CDC14B: variants seen among roughly 807,000 people sequenced by gnomAD.
The protein encoded by CDC14B is dual specificity protein phosphatase CDC14B.
CDC14B carries 22 observed loss-of-function variants against 64.2 expected under a neutral mutation model. The observed-to-expected ratio is 0.34, with a 90% CI of 0.24 to 0.49. The LOEUF (loss-of-function observed/expected upper bound fraction) is 0.49, where lower values mean the gene tolerates loss of function less well. Ranked by LOEUF, CDC14B falls within the 20% of genes least tolerant of loss-of-function variation. The pLI is 0.99. For missense variants in CDC14B, 498 were observed against 629.9 expected (o/e 0.79, Z 2.24); for synonymous variants, 191 against 215.8 (o/e 0.89, Z 1.01).
intron 8 of CDC14B, 87 bp from the exon 9 acceptor site, chr9:96,534,244 T>A: frequency 1.2e-6 from 1 of 850,336 alleles, no homozygotes; most frequent in Non-Finnish European, 1.8e-6. Flanking sequence ...GGAAACAGTA[T>A]CTGGACTGGG....
chr9:96,551,665 A>G, intron 5 of CDC14B, 131 bp downstream of exon 5: 1 of 1,286,808 alleles, frequency 7.8e-7, no homozygotes. Context: ...GGAAAAACCC[A>G]GATCTGTGGT....
intron 9 of CDC14B, among the ~76,000 whole-genome samples, chr9:96,531,180 T>G (rs1838423348): frequency 6.6e-6 from 1 of 152,228 alleles, no homozygotes. Flanking sequence ...AAGTGTTCCT[T>G]TTTCCTCAAA....
At chr9:96,587,572 G>C (rs1016233662) in intron 1 of CDC14B, among the ~76,000 whole-genome samples, 4 of 152,202 alleles carry the variant, frequency 2.6e-5, no homozygotes, top group Non-Finnish European at 5.9e-5. Flanking sequence ...GCTAATGCCT[G>C]TTTCATAAAC....
At chr9:96,523,480 T>G in intron 10 of CDC14B, 60 bp from the exon 11 acceptor site, 1 of 1,602,564 alleles carries the variant, frequency 6.2e-7, no homozygotes, top group African/African-American at 1.3e-5. Flanking sequence ...AACAACTTCT[T>G]CCTACCAGAT....
chr9:96,496,631 G>T (rs1346447602), downstream of CDC14B, among the ~76,000 whole-genome samples: 2 of 152,274 alleles, frequency 1.3e-5, no homozygotes, highest in Non-Finnish European at 2.9e-5. Flanking sequence ...CCCTCCGGCT[G>T]GGTCCCGGCT....
intron 4 of CDC14B, among the ~76,000 whole-genome samples, chr9:96,552,832 A>C (rs2132076384): frequency 6.6e-6 from 1 of 152,276 alleles, no homozygotes; most frequent in Middle Eastern, 3.4e-3. Context: ...TGGGAAGGAG[A>C]AACAGCATTA....
chr9:96,524,419 C>T (rs1837258516), intron 9 of CDC14B, among the ~76,000 whole-genome samples: 1 of 152,178 alleles, frequency 6.6e-6, no homozygotes, highest in Admixed American at 6.5e-5. Context: ...ACCATCTTTG[C>T]AAAACCAAAG....
At chr9:96,612,039 T>C (rs951438302) in intron 1 of CDC14B, among the ~76,000 whole-genome samples, 1 of 152,180 alleles carries the variant, frequency 6.6e-6, no homozygotes, top group Non-Finnish European at 1.5e-5. Flanking sequence ...TACATAACAA[T>C]AGCCTCAAGA....
At chr9:96,590,885 G>A (rs1412320220) in intron 1 of CDC14B, among the ~76,000 whole-genome samples, 2 of 152,024 alleles carry the variant, frequency 1.3e-5, no homozygotes, top group Non-Finnish European at 2.9e-5. Context: ...GTTTTCATAC[G>A]CTCATTGGTC....
At chr9:96,542,689 C>T (rs1180272371) in intron 5 of CDC14B, among the ~76,000 whole-genome samples, 1 of 150,868 alleles carries the variant, frequency 6.6e-6, no homozygotes. Flanking sequence ...GAGATGGAGT[C>T]TCATTATGAT....
chr9:96,606,332 C>CAA (rs772460843), intron 1 of CDC14B, among the ~76,000 whole-genome samples: 465 of 20,976 alleles, frequency 0.022, 72 homozygotes, highest in African/African-American at 0.047. Context: ...GACTCCATCT[C>CAA]AAAAAAAAAA....
chr9:96,553,478 C>T (rs1240109055), intron 4 of CDC14B, among the ~76,000 whole-genome samples: 15 of 151,934 alleles, frequency 9.9e-5, no homozygotes, highest in Admixed American at 9.2e-4. Context: ...CCTGCCTCAA[C>T]CTCCCGAGTA....
In CDC14B at chr9:96,515,607, C is replaced by G. The variant is rs373032943; in HGVS notation, c.1344-5818G>C. ...TGCATTGTGGGAACCACACTAGGCACCAGAAGTAAGCAACGGCAGAGAAAC... is the reference window on the plus strand; with the variant it reads ...TGCATTGTGGGAACCACACTAGGCAGCAGAAGTAAGCAACGGCAGAGAAAC... On this transcript the variant is annotated intron_variant, in intron 12 of 13. Transcript: ENST00000375241. The surrounding 1 kb of genome is among the most constrained non-coding windows in gnomAD (Gnocchi z 4.3). The G allele has an allele frequency of 7.3e-6, 11 of 1,509,338 alleles. No homozygotes were observed. The highest frequency in any genetic ancestry group is 2.6e-5 in the South Asian group (2 of 76,136). 93.5% of individuals were successfully genotyped at this position (1,509,338 alleles called of 1,614,324 possible). A position where few individuals can be genotyped will look rare whatever the true frequency, so the allele number is the denominator to read the frequency against.
intron 1 of CDC14B, among the ~76,000 whole-genome samples, chr9:96,575,082 C>T (rs1190649137): frequency 7.2e-5 from 11 of 152,164 alleles, no homozygotes; most frequent in African/African-American, 1.7e-4. Flanking sequence ...TGATTTACAA[C>T]GGATGTTTAT....
rs369320268 is a variant in CDC14B at position 96,564,742 on chromosome 9, C to T, written c.327+35G>A. On this transcript the variant is annotated intron_variant, in intron 3 of 13. Coordinates refer to ENST00000375241, the MANE Select transcript of CDC14B (RefSeq NM_033331.4). ...ACTTTCGTCCCCCAGATCAAGCTAA[C>T]AATGATTACTTAAGTCAAATCTTAA... 8 of 1,317,836 alleles carry T rather than the reference C, an allele frequency of 6.1e-6. No individual in the cohort carries two copies. The Admixed American group carries it at 8.4e-5, about 14-fold the overall frequency. The allele number at this position is 1,317,836 out of a possible 1,614,324, so 81.6% of individuals were successfully genotyped here. A position where few individuals can be genotyped will look rare whatever the true frequency, so the allele number is the denominator to read the frequency against.
intron 12 of CDC14B, among the ~76,000 whole-genome samples, chr9:96,512,471 C>T (rs1835045571): frequency 6.6e-6 from 1 of 151,742 alleles, no homozygotes; most frequent in Admixed American, 6.6e-5. Flanking sequence ...AGGTACATGC[C>T]ACCACACCCA....
intron 1 of CDC14B, among the ~76,000 whole-genome samples, chr9:96,615,555 A>G (rs1320124461): frequency 2.0e-5 from 3 of 152,218 alleles, no homozygotes; most frequent in Admixed American, 6.5e-5. Context: ...ATATGCATTA[A>G]TTTTTACAAA....
intron 9 of CDC14B, among the ~76,000 whole-genome samples, chr9:96,525,056 G>C (rs1837351426): frequency 6.6e-6 from 1 of 152,082 alleles, no homozygotes; most frequent in Non-Finnish European, 1.5e-5. Flanking sequence ...AAATGCAAAA[G>C]GAAAAAGACG....
intron 1 of CDC14B, chr9:96,566,993 A>T: frequency 7.0e-7 from 1 of 1,419,062 alleles, no homozygotes; most frequent in Non-Finnish European, 9.2e-7. Flanking sequence ...GCAACCCCGG[A>T]AGTCCCCAAG....
Sources: gnomAD v4.1 joint callset for allele counts (sites outside exome capture counted in the v4.1 genomes callset) on GRCh38, gnomAD v4.1.1 for gene constraint, Gnocchi (gnomAD v3.1) non-coding constraint, MANE v1.5 for transcripts, NCBI Gene and HGNC (gene_info 2026-07-23, HGNC 2026-07-21) for gene names.